Variants in XKR4 observed in about 807,000 individuals in gnomAD.
The protein encoded by XKR4 is XK-related protein 4.
A neutral mutation model predicts 53.9 loss-of-function variants in XKR4; 12 were observed. The ratio of observed to expected loss-of-function variants is 0.22; its 90% CI spans 0.14 to 0.36. XKR4 has a LOEUF of 0.36. XKR4 is among the 10% of genes least tolerant of loss of function. The probability of loss-of-function intolerance (pLI) is 1.00; values close to 1 mark genes in which losing one functional copy is unlikely to be tolerated. For synonymous variants in XKR4, 354 were observed against 362.4 expected (o/e 0.98, Z 0.26); for missense variants, 799 against 859.5 (o/e 0.93, Z 0.88).
At chr8:55,369,393 AGGGG>A (rs1804038665) in intron 2 of XKR4, among the ~76,000 whole-genome samples, 1 of 15,526 alleles carries the variant, frequency 6.4e-5, no homozygotes, top group Non-Finnish European at 1.1e-4. Flanking sequence ...AGGGGAGGGG[AGGGG>A]AGGGGAGGGA....
At position 55,219,011 on chromosome 8, in the gene XKR4, CT is replaced by C. The variant is rs5891562; in HGVS notation, c.806+115730del. 1.2e-3 allele frequency among the ~76,000 whole-genome samples: 175 copies of C among 145,958 alleles called. 1 individual carries two copies. Among genetic ancestry groups the C allele is most frequent in the African/African-American group, 3.2e-3 (126 of 39,702 alleles). ...CCTCAAATCAAATTCTAGAAGCAGT[CT>C]TTTTTTTTTTTTGTAAGATAGAAGG... On this transcript the variant is annotated intron_variant, in intron 1 of 2. Coordinates refer to ENST00000327381, the MANE Select transcript of XKR4 (RefSeq NM_052898.2).
Position 55,243,116 on chromosome 8 carries a change from A to G in XKR4, c.807-114562A>G, listed in dbSNP as rs868430491. ...ATATACCATCTACCCCTGCACATGC[A>G]CAGCCTCCCCACTTATCAACATCCT... On this transcript the variant is annotated intron_variant, in intron 1 of 2. Coordinates refer to ENST00000327381, the MANE Select transcript of XKR4 (RefSeq NM_052898.2). 4.6e-5 allele frequency among the ~76,000 whole-genome samples: 7 copies of G among 152,326 alleles called. No individual in the cohort carries two copies. In the Middle Eastern group the frequency reaches 0.01, roughly 222 times the overall value.
chr8:55,411,315 G>A lies in XKR4; in HGVS notation c.1006+53438G>A, dbSNP rs147358460. ...ACTGATTTGACCTCATCAAATTCTT[G>A]TGAGGATTGAATGTCCTCATATTTG... On this transcript the variant is annotated intron_variant, in intron 2 of 2. Transcript: ENST00000327381. Among the ~76,000 whole-genome samples the A allele has an allele frequency of 4.4e-3, 671 of 152,298 alleles. 6 individuals are homozygous for A. Among genetic ancestry groups the A allele is most frequent in the African/African-American group, 0.013 (529 of 41,572 alleles).
chr8:55,503,293 A>G (rs1806473249), intron 2 of XKR4, among the ~76,000 whole-genome samples: 2 of 152,114 alleles, frequency 1.3e-5, no homozygotes, highest in South Asian at 4.1e-4. Context: ...CATCTTAACA[A>G]TATTAAGACT....
rs552264101 is a variant in XKR4 at position 55,478,956 on chromosome 8, C to T, written c.1007-44325C>T. ...ACTCCCACACAATAATAATGGGAGA[C>T]TTTAACACCCCACTGTCAACATTAG... On this transcript the variant is annotated intron_variant, in intron 2 of 2. Coordinates refer to ENST00000327381, the MANE Select transcript of XKR4 (RefSeq NM_052898.2). Among the ~76,000 whole-genome samples the T allele has an allele frequency of 5.1e-4, 78 of 152,178 alleles. 1 individual carries two copies. Among genetic ancestry groups the T allele is most frequent in the African/African-American group, 1.9e-3 (77 of 41,442 alleles).
intron 1 of XKR4, among the ~76,000 whole-genome samples, chr8:55,344,694 C>T (rs779224277): frequency 3.9e-5 from 6 of 152,092 alleles, no homozygotes; most frequent in Non-Finnish European, 7.4e-5. Context: ...TGAGGCGATG[C>T]GAGTGCATAG....
At chr8:55,109,508 T>A (rs138334957) in intron 1 of XKR4, among the ~76,000 whole-genome samples, 1 of 152,258 alleles carries the variant, frequency 6.6e-6, no homozygotes, top group African/African-American at 2.4e-5. Context: ...GATCTCTGAG[T>A]TAGCTGACAG....
At chr8:55,397,585 G>GT (rs11405803) in intron 2 of XKR4, among the ~76,000 whole-genome samples, 84,851 of 148,024 alleles carry the variant, frequency 0.57, 24,455 homozygotes, top group Middle Eastern at 0.64. Context: ...GAAGTTCAAT[G>GT]TTTTTTTTTT....
intron 1 of XKR4, among the ~76,000 whole-genome samples, chr8:55,157,397 G>A (rs1330515630): frequency 6.6e-6 from 1 of 152,072 alleles, no homozygotes; most frequent in Admixed American, 6.5e-5. Flanking sequence ...GGGAGATGTG[G>A]TCTGTTTTGT....
chr8:55,384,166 A>C (rs548190708), intron 2 of XKR4, among the ~76,000 whole-genome samples: 1 of 152,204 alleles, frequency 6.6e-6, no homozygotes, highest in Admixed American at 6.5e-5. Flanking sequence ...AGGAAGGACA[A>C]TCTGTCCTGT....
In XKR4 at chr8:55,338,796, G is replaced by C. The variant is rs138910065; in HGVS notation, c.807-18882G>C. ...ATTAAGCTTTAGGGGTTGATTTTTG[G>C]ATATTTTGGATTTACATAGACAATT... On this transcript the variant is annotated intron_variant, in intron 1 of 2. Coordinates refer to ENST00000327381, the MANE Select transcript of XKR4 (RefSeq NM_052898.2). Among the ~76,000 whole-genome samples the C allele has an allele frequency of 2.4e-3, 361 of 152,240 alleles. 2 individuals are homozygous for C. The highest frequency in any genetic ancestry group is 0.02 in the Middle Eastern group (6 of 294).
At chr8:55,142,290 G>A (rs758480652) in intron 1 of XKR4, 3 of 426,782 alleles carry the variant, frequency 7.0e-6, no homozygotes, top group Non-Finnish European at 1.4e-5. Flanking sequence ...ATAAGGAAAG[G>A]GTATAGTACA....
At chr8:55,270,068 T>C (rs1818664717) in intron 1 of XKR4, among the ~76,000 whole-genome samples, 1 of 152,200 alleles carries the variant, frequency 6.6e-6, no homozygotes, top group Non-Finnish European at 1.5e-5. Context: ...CCTCACTACG[T>C]CACAGGCCAT....
intron 1 of XKR4, among the ~76,000 whole-genome samples, chr8:55,275,638 G>A (rs898812806): frequency 1.4e-4 from 21 of 152,076 alleles, no homozygotes; most frequent in African/African-American, 4.6e-4. Context: ...TTGATATTTT[G>A]CCATAAAATA....
chr8:55,103,873 A>G lies in XKR4; in HGVS notation c.806+579A>G, dbSNP rs532663937. 2.6e-3 allele frequency among the ~76,000 whole-genome samples: 372 copies of G among 143,118 alleles called. 6 individuals are homozygous for G. Among genetic ancestry groups the G allele is most frequent in the African/African-American group, 7.5e-3 (297 of 39,556 alleles). 93.9% of individuals were successfully genotyped at this position (143,118 alleles called of 152,430 possible). On this transcript the variant is annotated intron_variant, in intron 1 of 2. Transcript: ENST00000327381. ...TTTGTATATATATATATATATATAT[A>G]TATATATATATATATATATATCCCC...
At chr8:55,258,301 T>C (rs1023265298) in intron 1 of XKR4, among the ~76,000 whole-genome samples, 2 of 152,162 alleles carry the variant, frequency 1.3e-5, no homozygotes, top group African/African-American at 4.8e-5. Context: ...AGGAGCCCAG[T>C]TGCTCAGATG....
chr8:55,237,717 G>C (rs1818153088), intron 1 of XKR4, among the ~76,000 whole-genome samples: 1 of 152,214 alleles, frequency 6.6e-6, no homozygotes, highest in East Asian at 1.9e-4. Context: ...GATGAACACT[G>C]TGTGATGAAC....
intron 1 of XKR4, among the ~76,000 whole-genome samples, chr8:55,188,382 C>G (rs1817405655): frequency 6.6e-6 from 1 of 152,038 alleles, no homozygotes; most frequent in Admixed American, 6.6e-5. Context: ...CCTAAAAAGA[C>G]AAAACAACCT....
intron 1 of XKR4, among the ~76,000 whole-genome samples, chr8:55,344,873 C>T (rs1803612093): frequency 6.6e-6 from 1 of 152,186 alleles, no homozygotes; most frequent in Non-Finnish European, 1.5e-5. Context: ...AGAGTAACTA[C>T]TCATGTAAAA....
Sources: allele counts gnomAD v4.1 joint callset (sites outside exome capture counted in the v4.1 genomes callset), GRCh38; gene constraint gnomAD v4.1.1; transcripts MANE v1.5; gene names NCBI Gene and HGNC (gene_info 2026-07-23, HGNC 2026-07-21).